Variants in TLK1 observed in about 807,000 individuals in gnomAD.
TLK1 encodes serine/threonine-protein kinase tousled-like 1.
A neutral mutation model predicts 105.3 loss-of-function variants in TLK1; 24 were observed. The ratio of observed to expected loss-of-function variants is 0.23; its 90% CI spans 0.17 to 0.32. The LOEUF (loss-of-function observed/expected upper bound fraction) is 0.32. Ranked by LOEUF, TLK1 falls within the 10% of genes least tolerant of loss-of-function variation. The pLI is 1.00. For missense variants in TLK1, 558 were observed against 910.5 expected, an observed-to-expected ratio of 0.61 and a Z score of 4.98; for synonymous variants, 321 against 310.4, an observed-to-expected ratio of 1.03 and a Z score of -0.36.
At chr2:171,099,411 G>A (rs978162611) in intron 2 of TLK1, among the ~76,000 whole-genome samples, 1 of 152,148 alleles carries the variant, frequency 6.6e-6, no homozygotes, top group African/African-American at 2.4e-5. Context: ...AAGACTTAAT[G>A]TTATTAGGAT....
intron 12 of TLK1, among the ~76,000 whole-genome samples, chr2:171,015,949 A>G (rs890814201): frequency 2.0e-5 from 3 of 149,226 alleles, no homozygotes; most frequent in Non-Finnish European, 4.4e-5. Flanking sequence ...GTGGTGGCGC[A>G]TGCCTGTAAT....
intron 1 of TLK1, among the ~76,000 whole-genome samples, chr2:171,185,158 C>T (rs975155477): frequency 1.2e-4 from 19 of 152,094 alleles, no homozygotes; most frequent in African/African-American, 3.4e-4. Context: ...GTTTTAATCA[C>T]TGTTACTTTA....
At chr2:171,000,676 G>A (rs1329480690) in intron 18 of TLK1, among the ~76,000 whole-genome samples, 1 of 152,028 alleles carries the variant, frequency 6.6e-6, no homozygotes, top group Non-Finnish European at 1.5e-5. Context: ...AGATGAAAGG[G>A]GAGGCAGACA....
chr2:171,074,567 C>T (rs1267861274), intron 3 of TLK1, among the ~76,000 whole-genome samples: 1 of 144,990 alleles, frequency 6.9e-6, no homozygotes, highest in Non-Finnish European at 1.5e-5. Context: ...GCAGTGGTTG[C>T]AGGGAGCAGA....
intron 5 of TLK1, 94 bp downstream of exon 5, chr2:171,058,057 T>A: frequency 7.6e-7 from 1 of 1,310,944 alleles, no homozygotes; most frequent in Admixed American, 1.8e-5. Context: ...AAGTAAGTAA[T>A]CAAAAGCTGA....
chr2:171,093,645 C>T (rs909905017), intron 2 of TLK1, among the ~76,000 whole-genome samples: 11 of 151,458 alleles, frequency 7.3e-5, no homozygotes, highest in Non-Finnish European at 1.6e-4. Context: ...AACTTAAAAA[C>T]TATGTGAAAC....
rs948785732 is a variant in TLK1, at chr2:171,065,024, T to C, written c.331-3868A>G. On this transcript the variant is annotated intron_variant, in intron 3 of 20. Coordinates refer to ENST00000431350, the MANE Select transcript of TLK1 (RefSeq NM_012290.5). ...CTAATCATGTAGCCTGCTGCTTTTA[T>C]CTTATAATAAAATATAAAGGAGTCT... is the stretch of plus-strand genomic sequence containing the variant. 4.9e-5 allele frequency among the ~76,000 whole-genome samples: 7 copies of C among 143,496 alleles called. No homozygotes were observed. In the South Asian group the frequency reaches 1.1e-3, roughly 22 times the overall value. The allele number at this position is 143,496 out of a possible 152,430, so 94.1% of individuals were successfully genotyped here. A position where few individuals can be genotyped will look rare whatever the true frequency, so the allele number is the denominator to read the frequency against.
chr2:171,111,181 G>A (rs1222727042), intron 2 of TLK1, among the ~76,000 whole-genome samples: 1 of 152,136 alleles, frequency 6.6e-6, no homozygotes, highest in Non-Finnish European at 1.5e-5. Flanking sequence ...AAATAACAAA[G>A]GAGGTTTTTA....
rs1189172265 is a variant in TLK1 at position 171,046,436 on chromosome 2, T to TA, written c.981-75dup. The TA allele has an allele frequency of 4.1e-6, 6 of 1,446,894 alleles. No individual in the cohort carries two copies. The African/African-American group carries it at 8.6e-5, about 21-fold the overall frequency. The allele number at this position is 1,446,894 out of a possible 1,614,324, so 89.6% of individuals were successfully genotyped here. On this transcript the variant is annotated intron_variant, in intron 10 of 20. Coordinates refer to ENST00000431350, the MANE Select transcript of TLK1 (RefSeq NM_012290.5). ...CAAGGCTAAACTTGGAAAAAATGCA[T>TA]AAAAAACATGAAAAACCATAAAATA...
intron 1 of TLK1, among the ~76,000 whole-genome samples, chr2:171,135,737 G>A (rs1022560903): frequency 1.3e-5 from 2 of 152,078 alleles, no homozygotes; most frequent in Non-Finnish European, 1.5e-5. Context: ...GGGAGGCAGA[G>A]GCTGCAGTGA....
chr2:171,074,642 A>AAAAG (rs202061813), intron 3 of TLK1, among the ~76,000 whole-genome samples: 29 of 150,704 alleles, frequency 1.9e-4, no homozygotes, highest in Admixed American at 4.7e-4. Context: ...AAAAAAAAAA[A>AAAAG]AAAGAAAGAA....
At chr2:171,057,828 A>G (rs1384796327) in intron 5 of TLK1, among the ~76,000 whole-genome samples, 2 of 152,104 alleles carry the variant, frequency 1.3e-5, no homozygotes, top group East Asian at 3.8e-4. Context: ...TCTGACTGCA[A>G]AAATTCAAAA....
intron 1 of TLK1, among the ~76,000 whole-genome samples, chr2:171,198,214 ATGGGC>A (rs1693313171): frequency 6.6e-6 from 1 of 152,204 alleles, no homozygotes. Context: ...GTAAAGAAAC[ATGGGC>A]TGGCCAGCTG....
At position 170,990,926 on chromosome 2, in the gene TLK1, T is replaced by C. The variant is rs1334986058; in HGVS notation, c.*2854A>G. The C allele has an allele frequency of 6.6e-6, 1 of 152,110 alleles. No individual in the cohort carries two copies. The highest frequency in any genetic ancestry group is 2.4e-5 in the African/African-American group (1 of 41,418). 9.4% of individuals were successfully genotyped at this position (152,110 alleles called of 1,614,324 possible). A position where few individuals can be genotyped will look rare whatever the true frequency, so the allele number is the denominator to read the frequency against. The stretch of plus-strand genomic sequence containing the variant: ...GAAGCTCTTCACCATTTTGACTTCA[T>C]GTAATGAGGTGTTTGTTCACATTTT... On this transcript the variant is annotated 3_prime_UTR_variant, in exon 21 of 21. Coordinates refer to ENST00000431350, the MANE Select transcript of TLK1 (RefSeq NM_012290.5).
At chr2:171,120,958 A>C (rs1042577980) in intron 1 of TLK1, among the ~76,000 whole-genome samples, 5 of 152,236 alleles carry the variant, frequency 3.3e-5, no homozygotes, top group Non-Finnish European at 7.3e-5. Context: ...AATATTATTC[A>C]GCCTGAAAAA....
intron 1 of TLK1, among the ~76,000 whole-genome samples, chr2:171,208,825 T>C (rs190475711): frequency 4.6e-5 from 7 of 152,332 alleles, no homozygotes; most frequent in Admixed American, 2.0e-4. Flanking sequence ...GTGCAGAGCA[T>C]TTTAGCAGTG....
chr2:171,084,545 A>G (rs889981575), intron 2 of TLK1, among the ~76,000 whole-genome samples: 1 of 152,234 alleles, frequency 6.6e-6, no homozygotes, highest in Non-Finnish European at 1.5e-5. Context: ...CCTGTAAGAA[A>G]AGCCATCCTG....
intron 11 of TLK1, among the ~76,000 whole-genome samples, chr2:171,036,526 T>C (rs1173454503): frequency 2.0e-5 from 3 of 152,246 alleles, no homozygotes; most frequent in Non-Finnish European, 4.4e-5. Flanking sequence ...TCATAAAAGA[T>C]TATTCCCAGA....
intron 2 of TLK1, among the ~76,000 whole-genome samples, chr2:171,097,464 A>G (rs1689498682): frequency 6.6e-6 from 1 of 152,222 alleles, no homozygotes; most frequent in African/African-American, 2.4e-5. Flanking sequence ...AAGCAAAAAT[A>G]AACAAATGAT....
Sources: gnomAD v4.1 joint callset for allele counts (sites outside exome capture counted in the v4.1 genomes callset) on GRCh38, gnomAD v4.1.1 for gene constraint, MANE v1.5 for transcripts, NCBI Gene and HGNC (gene_info 2026-07-23, HGNC 2026-07-21) for gene names.